Variants in CTBP2 observed in about 807,000 individuals in gnomAD.
The protein encoded by CTBP2 is C-terminal-binding protein 2.
Under a neutral mutation model 80.3 loss-of-function variants are expected in CTBP2, and 30 were observed. The ratio of observed to expected loss-of-function variants is 0.37; its 90% CI spans 0.28 to 0.51. The LOEUF (loss-of-function observed/expected upper bound fraction) is 0.51. Ranked by LOEUF, CTBP2 falls within the 20% of genes least tolerant of loss-of-function variation. The pLI, the probability that CTBP2 is intolerant of heterozygous loss-of-function variation, is 0.93. For missense variants in CTBP2, 1,212 were observed against 1,375.3 expected (o/e 0.88, Z 1.88); for synonymous variants, 594 against 587.4 (o/e 1.01, Z -0.16).
rs4020629 is a variant in CTBP2, at chr10:125,066,074, C to CAAA, written c.-101-26922_-101-26920dup. Among the ~76,000 whole-genome samples, 143 of 138,012 alleles carry CAAA rather than the reference C, an allele frequency of 1.0e-3. 4 individuals carry two copies. The highest frequency in any genetic ancestry group is 2.8e-3 in the African/African-American group (104 of 37,782). The allele number at this position is 138,012 out of a possible 152,430, so 90.5% of individuals were successfully genotyped here. A position where few individuals can be genotyped will look rare whatever the true frequency, so the allele number is the denominator to read the frequency against. ...CCTGATTGTGCCATGGCACTCTAGC[C>CAAA]AAAAAAAAAAAGCCGTCATCTTCTT... On this transcript the variant is annotated intron_variant, in intron 2 of 10. Coordinates refer to the CTBP2 transcript ENST00000337195. The surrounding 1 kb of genome is among the most constrained non-coding windows in gnomAD (Gnocchi z 4.1).
intron 2 of CTBP2, among the ~76,000 whole-genome samples, chr10:125,089,018 T>C (rs1290365497): frequency 2.6e-5 from 4 of 152,228 alleles, no homozygotes. Context: ...GTTGCGAAGA[T>C]ATAAAATCAG....
chr10:125,161,172 C>G (rs1172961599), upstream of CTBP2: 1 of 151,714 alleles, frequency 6.6e-6, no homozygotes, highest in African/African-American at 2.4e-5. Flanking sequence ...AATCGGCTCT[C>G]TCGGGGGATT....
chr10:125,099,810 G>C (rs1013222882), intron 2 of CTBP2, among the ~76,000 whole-genome samples: 3 of 152,204 alleles, frequency 2.0e-5, no homozygotes, highest in Non-Finnish European at 4.4e-5. Flanking sequence ...GGCTAGGACG[G>C]AGTAGGGATG....
chr10:125,053,686 T>C (rs1414611151), intron 2 of CTBP2, among the ~76,000 whole-genome samples: 3 of 152,126 alleles, frequency 2.0e-5, no homozygotes, highest in Non-Finnish European at 4.4e-5. Context: ...GGGGTGAACA[T>C]CTCAGACACG....
intron 2 of CTBP2, among the ~76,000 whole-genome samples, chr10:125,068,822 C>T (rs1845024937): frequency 6.6e-6 from 1 of 152,236 alleles, no homozygotes; most frequent in Non-Finnish European, 1.5e-5. Flanking sequence ...CACCTATTCC[C>T]TTGCAACTTG....
chr10:125,110,490 T>C (rs1356465974), intron 2 of CTBP2, among the ~76,000 whole-genome samples: 1 of 152,150 alleles, frequency 6.6e-6, no homozygotes, highest in Non-Finnish European at 1.5e-5. Flanking sequence ...AATCATGGTA[T>C]GTTCAAGACA....
intron 2 of CTBP2, 31 bp downstream of exon 4, chr10:125,003,307 T>C (rs1206729726): frequency 6.2e-7 from 1 of 1,604,000 alleles, no homozygotes; most frequent in Admixed American, 1.8e-5. Flanking sequence ...CCAAGGTCAG[T>C]GCAGGCCCCG....
intron 2 of CTBP2, among the ~76,000 whole-genome samples, chr10:125,070,066 A>C (rs1272215963): frequency 6.6e-6 from 1 of 151,870 alleles, no homozygotes; most frequent in East Asian, 1.9e-4. Context: ...AATGCATCAT[A>C]CCGGCTGGGC....
chr10:125,102,143 GA>G (rs1433602658), intron 2 of CTBP2, among the ~76,000 whole-genome samples: 1 of 152,202 alleles, frequency 6.6e-6, no homozygotes, highest in Non-Finnish European at 1.5e-5. Context: ...GCATTTGCAA[GA>G]GGGGGAAACT....
At chr10:125,045,527 T>C (rs781647181) in intron 2 of CTBP2, among the ~76,000 whole-genome samples, 3 of 151,938 alleles carry the variant, frequency 2.0e-5, no homozygotes, top group Admixed American at 6.6e-5. Flanking sequence ...CTTTCTTTCT[T>C]TTTTGGAGAC....
chr10:125,153,134 A>G (rs1860295047), intron 1 of CTBP2, among the ~76,000 whole-genome samples: 1 of 152,228 alleles, frequency 6.6e-6, no homozygotes, highest in Non-Finnish European at 1.5e-5. Context: ...GAGCAGAGTA[A>G]GGCCACATGA....
At chr10:125,096,832 G>A (rs554663858) in intron 2 of CTBP2, among the ~76,000 whole-genome samples, 4 of 152,140 alleles carry the variant, frequency 2.6e-5, no homozygotes, top group South Asian at 4.2e-4. Flanking sequence ...AATTTCTTCC[G>A]AGAAATTAAC....
chr10:125,028,590 C>A (rs1305261813), upstream of CTBP2, among the ~76,000 whole-genome samples: 1 of 152,230 alleles, frequency 6.6e-6, no homozygotes, highest in Non-Finnish European at 1.5e-5. Context: ...CAAATGCATT[C>A]TTTACCTTAT....
intron 5 of CTBP2, 130 bp downstream of exon 7, chr10:124,994,339 G>A (rs1001769522): frequency 1.1e-6 from 1 of 910,308 alleles, no homozygotes. Context: ...CTGGTTTGTT[G>A]CAGGGCCTCT....
At chr10:124,993,137 C>G (rs1952933328) in intron 7 of CTBP2, 65 bp downstream of exon 9, 5 of 1,540,074 alleles carry the variant, frequency 3.2e-6, no homozygotes, top group Non-Finnish European at 3.5e-6. Flanking sequence ...GCCAGCAGGA[C>G]AGGAGCCGGC....
intron 2 of CTBP2, among the ~76,000 whole-genome samples, chr10:125,080,004 C>A (rs1235590431): frequency 2.6e-5 from 4 of 152,224 alleles, no homozygotes; most frequent in Admixed American, 2.0e-4. Flanking sequence ...GGTTTCGATA[C>A]TGTACCTGAG....
Position 125,003,174 on chromosome 10 carries a change from C to T in CTBP2, c.1834-70G>A, listed in dbSNP as rs548115460. On this transcript the variant is annotated intron_variant, in intron 2 of 8. Coordinates refer to ENST00000309035, the MANE Select transcript of CTBP2 (RefSeq NM_022802.3). Reference sequence around the variant, plus strand: ...CCCACCGGCACCACTTGGCCTGGCCCCCTGGCCCTATCACCCTTGAACCTG... The same window carrying T: ...CCCACCGGCACCACTTGGCCTGGCCTCCTGGCCCTATCACCCTTGAACCTG... The T allele has an allele frequency of 4.0e-5, 64 of 1,602,380 alleles. No individual in the cohort carries two copies. The East Asian group carries it at 1.3e-3, about 31-fold the overall frequency.
chr10:125,055,675 G>A (rs1193194251), intron 2 of CTBP2, among the ~76,000 whole-genome samples: 7 of 152,142 alleles, frequency 4.6e-5, no homozygotes, highest in Non-Finnish European at 1.0e-4. Flanking sequence ...CCAAGGGAGA[G>A]CTCTCCAGAG....
intron 2 of CTBP2, among the ~76,000 whole-genome samples, chr10:125,098,591 C>A (rs1564913152): frequency 6.6e-6 from 1 of 150,810 alleles, no homozygotes; most frequent in African/African-American, 2.4e-5. Flanking sequence ...GTGCCCTGCA[C>A]CTTCACAGTG....
Sources: gnomAD v4.1 joint callset for allele counts (sites outside exome capture counted in the v4.1 genomes callset) on GRCh38, gnomAD v4.1.1 for gene constraint, Gnocchi (gnomAD v3.1) non-coding constraint, MANE v1.5 for transcripts, NCBI Gene and HGNC (gene_info 2026-07-23, HGNC 2026-07-21) for gene names.